ZPBP: variants seen among roughly 807,000 people sequenced by gnomAD.
ZPBP encodes the protein zona pellucida-binding protein 1.
Under a neutral mutation model 44.8 loss-of-function variants are expected in ZPBP, and 26 were observed. That is an observed-to-expected ratio of 0.58 (90% CI 0.43 to 0.81). The LOEUF (loss-of-function observed/expected upper bound fraction) is 0.81. Among genes scored for constraint, ZPBP ranks in the 30% least tolerant of loss-of-function variants. ZPBP has a pLI of 0.00. For missense variants in ZPBP, 409 were observed against 434.0 expected (o/e 0.94, Z 0.51); for synonymous variants, 174 against 153.2 (o/e 1.14, Z -1.00).
In ZPBP at chr7:50,000,998, C is replaced by CACAG. The variant is rs1230876588; in HGVS notation, c.783+17241_783+17242insCTGT. ...AAGAAGAGTTAAGGACACAGACACACATACAAAGAGGAAAGACCATGTGAA... is the reference window on the plus strand; with the variant it reads ...AAGAAGAGTTAAGGACACAGACACACACAGATACAAAGAGGAAAGACCATGTGAA... On this transcript the variant is annotated intron_variant, in intron 6 of 7. Transcript: ENST00000046087. Among the ~76,000 whole-genome samples, 6 of 152,206 alleles carry CACAG rather than the reference C, an allele frequency of 3.9e-5. 1 individual carries two copies. Among genetic ancestry groups the CACAG allele is most frequent in the Admixed American group, 3.9e-4 (6 of 15,268 alleles).
intron 6 of ZPBP, among the ~76,000 whole-genome samples, chr7:50,017,666 T>A (rs1214150857): frequency 6.6e-6 from 1 of 152,158 alleles, no homozygotes; most frequent in Non-Finnish European, 1.5e-5. Context: ...TAATTATATA[T>A]GTCAAACATT....
intron 2 of ZPBP, among the ~76,000 whole-genome samples, chr7:49,871,286 T>A (rs1009494358): frequency 2.0e-5 from 3 of 152,204 alleles, no homozygotes; most frequent in Non-Finnish European, 4.4e-5. Context: ...TTCATGGACC[T>A]TTTGATCCAA....
At chr7:50,056,467 C>G (rs1198317897) in intron 4 of ZPBP, 1 of 152,220 alleles carries the variant, frequency 6.6e-6, no homozygotes, top group Non-Finnish European at 1.5e-5. Context: ...TCAGGATAAT[C>G]TCCTCATCTC....
intron 7 of ZPBP, among the ~76,000 whole-genome samples, chr7:49,978,930 T>C (rs1055058518): frequency 3.3e-5 from 5 of 152,080 alleles, no homozygotes; most frequent in Non-Finnish European, 7.4e-5. Context: ...GAACTGAATC[T>C]TGCTTAATAG....
intron 7 of ZPBP, chr7:49,940,708 T>G: frequency 1.0e-6 from 1 of 979,712 alleles, no homozygotes; most frequent in Non-Finnish European, 1.2e-6. Context: ...TGTGGCATTT[T>G]TACTCACCAC....
the ZPBP span, among the ~76,000 whole-genome samples, chr7:49,842,647 T>C: frequency 1.3e-5 from 2 of 152,206 alleles, no homozygotes; most frequent in African/African-American, 4.8e-5. Context: ...ACTTGCAGAA[T>C]AATTGTCTTT....
At chr7:49,924,237 T>C (rs1794143804) in intron 1 of ZPBP, among the ~76,000 whole-genome samples, 1 of 151,864 alleles carries the variant, frequency 6.6e-6, no homozygotes, top group Non-Finnish European at 1.5e-5. Context: ...ATTTATAGGG[T>C]AATTTTTTAT....
At chr7:49,943,513 T>C (rs1158004417) in intron 7 of ZPBP, 5 of 418,182 alleles carry the variant, frequency 1.2e-5, no homozygotes, top group Non-Finnish European at 1.9e-5. Context: ...CTGTTTCTTG[T>C]CAGTGTACAA....
chr7:50,066,754 T>C (rs1801523262), intron 3 of ZPBP, among the ~76,000 whole-genome samples: 1 of 152,172 alleles, frequency 6.6e-6, no homozygotes, highest in South Asian at 2.1e-4. Flanking sequence ...TTTCGGGATG[T>C]GATTAGAGCA....
At chr7:50,006,451 T>C (rs1043343092) in intron 6 of ZPBP, among the ~76,000 whole-genome samples, 2 of 152,054 alleles carry the variant, frequency 1.3e-5, no homozygotes, top group African/African-American at 4.8e-5. Flanking sequence ...TAATTTAATA[T>C]GATTAAATTA....
chr7:49,906,236 C>G (rs763998827), intron 1 of ZPBP, among the ~76,000 whole-genome samples: 1 of 151,954 alleles, frequency 6.6e-6, no homozygotes, highest in Non-Finnish European at 1.5e-5. Context: ...GATCAGGACC[C>G]CTTTCTAGTA....
intron 6 of ZPBP, among the ~76,000 whole-genome samples, chr7:49,986,090 G>A (rs983625267): frequency 3.9e-5 from 6 of 152,098 alleles, no homozygotes; most frequent in Non-Finnish European, 1.5e-5. Context: ...CTGAACTAAG[G>A]AGCAAAATAT....
chr7:49,853,869 C>A (rs192114516), intron 2 of ZPBP, among the ~76,000 whole-genome samples: 48 of 128,646 alleles, frequency 3.7e-4, no homozygotes, highest in Non-Finnish European at 6.5e-4. Context: ...CCCCCCTCCC[C>A]CCACCCCACA....
At chr7:49,989,322 T>G (rs550142823) in intron 6 of ZPBP, among the ~76,000 whole-genome samples, 1 of 152,282 alleles carries the variant, frequency 6.6e-6, no homozygotes, top group East Asian at 1.9e-4. Context: ...GGGAACCCCA[T>G]GCTCTAGGGA....
At chr7:50,028,671 A>C (rs917269470) in intron 5 of ZPBP, among the ~76,000 whole-genome samples, 36 of 152,080 alleles carry the variant, frequency 2.4e-4, no homozygotes, top group Middle Eastern at 3.4e-3. Context: ...AAAAAAAAAA[A>C]CCCAGTGTAT....
At chr7:49,874,931 A>AC (rs902137737) in intron 2 of ZPBP, among the ~76,000 whole-genome samples, 67 of 152,276 alleles carry the variant, frequency 4.4e-4, no homozygotes, top group African/African-American at 1.6e-3. Context: ...AATTGTAATT[A>AC]CCCACATAAG....
At chr7:49,983,624 AG>A in intron 6 of ZPBP, 105 bp from the exon 7 acceptor site, 1 of 705,726 alleles carries the variant, frequency 1.4e-6, no homozygotes, top group Non-Finnish European at 2.3e-6. Context: ...CAAAGTCTCA[AG>A]GTCATTATTT....
intron 4 of ZPBP, among the ~76,000 whole-genome samples, chr7:50,031,633 G>C (rs534467676): frequency 1.3e-5 from 2 of 152,116 alleles, no homozygotes; most frequent in Middle Eastern, 6.8e-3. Context: ...CTAACTTACC[G>C]AGCCTGGTCC....
intron 7 of ZPBP, among the ~76,000 whole-genome samples, chr7:49,977,686 A>G (rs866969132): frequency 6.6e-6 from 1 of 152,234 alleles, no homozygotes; most frequent in Admixed American, 6.5e-5. Flanking sequence ...AGAAAGCAAT[A>G]GGAAAAAAAG....
Sources: gnomAD v4.1 joint callset for allele counts (sites outside exome capture counted in the v4.1 genomes callset) on GRCh38, gnomAD v4.1.1 for gene constraint, MANE v1.5 for transcripts, NCBI Gene and HGNC (gene_info 2026-07-23, HGNC 2026-07-21) for gene names.